PCDHA1: variants seen among roughly 807,000 people sequenced by gnomAD.
PCDHA1 encodes the protein protocadherin alpha 1.
Under a neutral mutation model 61.3 loss-of-function variants are expected in PCDHA1, and 42 were observed. The ratio of observed to expected loss-of-function variants is 0.69; its 90% CI spans 0.54 to 0.89. The LOEUF (loss-of-function observed/expected upper bound fraction) is 0.89, where lower values mean the gene tolerates loss of function less well. Among genes scored for constraint, PCDHA1 ranks in the 40% least tolerant of loss-of-function variants. The pLI is 0.00. For missense variants in PCDHA1, 1,256 were observed against 1,235.3 expected (o/e 1.02, Z -0.25); for synonymous variants, 610 against 553.8 (o/e 1.10, Z -1.43).
At chr5:140,874,970 G>A (rs186825854) in intron 1 of PCDHA1, among the ~76,000 whole-genome samples, 1 of 152,280 alleles carries the variant, frequency 6.6e-6, no homozygotes, top group Admixed American at 6.5e-5. Flanking sequence ...AAGGGGAGGG[G>A]TGCTGTATAT....
At chr5:140,968,401 C>T (rs1554230667) in intron 1 of PCDHA1, 1 of 1,613,984 alleles carries the variant, frequency 6.2e-7, no homozygotes, top group South Asian at 1.1e-5. Context: ...TTCGGGAGTT[C>T]TTTGTGACTG....
intron 1 of PCDHA1, among the ~76,000 whole-genome samples, chr5:140,948,690 T>C (rs1241278993): frequency 6.6e-6 from 1 of 151,592 alleles, no homozygotes; most frequent in Non-Finnish European, 1.5e-5. Context: ...TTTTTGATAT[T>C]GGTGATTTGT....
In PCDHA1 at chr5:140,809,117, C is replaced by T. The variant is rs142688560; in HGVS notation, c.2394+20433C>T. On this transcript the variant is annotated intron_variant, in intron 1 of 3. Transcript: ENST00000504120. ...TGCCCTGGACGAAACGGACGCTCCG[C>T]GCCACCGCCTACTGGTACTGGTGAA... The T allele has an allele frequency of 1.0e-3, 1,659 of 1,613,872 alleles. 4 individuals carry two copies. Among genetic ancestry groups the T allele is most frequent in the Non-Finnish European group, 1.3e-3 (1,582 of 1,179,952 alleles).
At chr5:140,961,176 C>A (rs782677581) in intron 1 of PCDHA1, among the ~76,000 whole-genome samples, 16 of 152,182 alleles carry the variant, frequency 1.1e-4, no homozygotes, top group Admixed American at 2.0e-4. Context: ...ACCTTATGTA[C>A]TCCTCACAGG....
At chr5:140,817,799 C>T (rs2150099145) in intron 1 of PCDHA1, among the ~76,000 whole-genome samples, 76 of 152,158 alleles carry the variant, frequency 5.0e-4, no homozygotes, top group African/African-American at 1.7e-3. Context: ...GTAAAGAAAC[C>T]TTTACGTTTT....
intron 1 of PCDHA1, among the ~76,000 whole-genome samples, chr5:140,890,386 A>G (rs905205351): frequency 6.6e-6 from 1 of 152,202 alleles, no homozygotes; most frequent in Admixed American, 6.5e-5. Flanking sequence ...TCTTTCTTAG[A>G]TAATCTATAA....
intron 1 of PCDHA1, chr5:140,843,091 G>C: frequency 6.3e-7 from 1 of 1,595,616 alleles, no homozygotes; most frequent in Non-Finnish European, 8.6e-7. Context: ...CGGGCCACGT[G>C]GTAGCGAAGG....
intron 1 of PCDHA1, chr5:140,829,875 G>T (rs2150176769): frequency 1.2e-6 from 2 of 1,613,946 alleles, no homozygotes; most frequent in Non-Finnish European, 1.7e-6. Flanking sequence ...GCGAAGGTGC[G>T]CGCAGTTGAC....
chr5:140,856,293 T>C, intron 1 of PCDHA1: 7 of 1,598,502 alleles, frequency 4.4e-6, no homozygotes, highest in Non-Finnish European at 6.0e-6. Context: ...CAGAATGGCA[T>C]TTTGTTTGTG....
chr5:140,915,504 T>C (rs1554196920), intron 1 of PCDHA1, among the ~76,000 whole-genome samples: 1 of 152,136 alleles, frequency 6.6e-6, no homozygotes, highest in Non-Finnish European at 1.5e-5. Context: ...AATACTGTGG[T>C]TTTTGCAGAC....
intron 1 of PCDHA1, chr5:140,878,115 A>T: frequency 4.3e-6 from 1 of 232,352 alleles, no homozygotes; most frequent in Non-Finnish European, 8.1e-6. Flanking sequence ...AAAAAACAGT[A>T]TATTAGATTA....
chr5:140,823,635 G>A (rs2150127703), intron 1 of PCDHA1: 3 of 1,613,956 alleles, frequency 1.9e-6, no homozygotes, highest in East Asian at 2.2e-5. Context: ...CGCGCATCCC[G>A]TTCCGCGTGG....
intron 1 of PCDHA1, chr5:140,870,855 G>A: frequency 6.2e-7 from 1 of 1,613,910 alleles, no homozygotes; most frequent in Non-Finnish European, 8.5e-7. Flanking sequence ...CGCGGTCGGT[G>A]GGTGCGGGCC....
chr5:140,929,443 T>C, intron 1 of PCDHA1: 1 of 1,426,882 alleles, frequency 7.0e-7, no homozygotes, highest in Non-Finnish European at 9.3e-7. Flanking sequence ...AAACACTCCT[T>C]CTTAGCACTT....
chr5:140,846,361 T>TTTTC lies in PCDHA1; in HGVS notation c.2394+57689_2394+57692dup, dbSNP rs1362162129. ...AAAGTGCTTTCTCTTTTTTCTTTTC[T>TTTTC]TTTCTTTCTTTCTTTTTTTTTTTTT... is the stretch of plus-strand genomic sequence containing the variant. On this transcript the variant is annotated intron_variant, in intron 1 of 3. Coordinates refer to ENST00000504120, the MANE Select transcript of PCDHA1 (RefSeq NM_018900.4). 1.5e-5 allele frequency among the ~76,000 whole-genome samples: 2 copies of TTTTC among 133,632 alleles called. 1 individual carries two copies. Among genetic ancestry groups the TTTTC allele is most frequent in the Non-Finnish European group, 3.2e-5 (2 of 63,348 alleles). 87.7% of individuals were successfully genotyped at this position (133,632 alleles called of 152,430 possible). A position where few individuals can be genotyped will look rare whatever the true frequency, so the allele number is the denominator to read the frequency against.
intron 1 of PCDHA1, chr5:140,870,983 C>A: frequency 6.2e-7 from 1 of 1,613,520 alleles, no homozygotes; most frequent in South Asian, 1.1e-5. Context: ...GGGCTGTACA[C>A]GGGCGAGATA....
intron 1 of PCDHA1, among the ~76,000 whole-genome samples, chr5:140,936,138 C>G (rs1396548448): frequency 6.6e-6 from 1 of 152,074 alleles, no homozygotes; most frequent in African/African-American, 2.4e-5. Context: ...AGTGATCTGC[C>G]CGCCTTGGCC....
At chr5:140,839,838 A>G (rs1257715116) in intron 1 of PCDHA1, among the ~76,000 whole-genome samples, 1 of 152,060 alleles carries the variant, frequency 6.6e-6, no homozygotes, top group Non-Finnish European at 1.5e-5. Flanking sequence ...TGATGAATCC[A>G]TGGAGAATTT....
chr5:140,790,387 G>A (rs1244796738), intron 1 of PCDHA1, among the ~76,000 whole-genome samples: 1 of 152,180 alleles, frequency 6.6e-6, no homozygotes, highest in East Asian at 1.9e-4. Context: ...ATACATGAAT[G>A]TCCCCTTGTG....
Sources: allele counts gnomAD v4.1 joint callset (sites outside exome capture counted in the v4.1 genomes callset), GRCh38; gene constraint gnomAD v4.1.1; transcripts MANE v1.5; gene names NCBI Gene and HGNC (gene_info 2026-07-23, HGNC 2026-07-21).